PACSIN1: variants seen among roughly 807,000 people sequenced by gnomAD.
The protein encoded by PACSIN1 is protein kinase C and casein kinase substrate in neurons protein 1.
PACSIN1 carries 15 observed loss-of-function variants against 59.5 expected under a neutral mutation model. That is an observed-to-expected ratio of 0.25 (90% CI 0.17 to 0.39). The LOEUF is 0.39. Among genes scored for constraint, PACSIN1 ranks in the 10% least tolerant of loss-of-function variants. The probability of loss-of-function intolerance (pLI) is 1.00; values close to 1 mark genes in which losing one functional copy is unlikely to be tolerated. For synonymous variants in PACSIN1, 210 were observed against 220.6 expected, an observed-to-expected ratio of 0.95 and a Z score of 0.42; for missense variants, 420 against 580.2, an observed-to-expected ratio of 0.72 and a Z score of 2.84.
In PACSIN1 at chr6:34,530,514, A is replaced by G; in HGVS notation, c.964A>G (p.Lys322Glu). The G allele has an allele frequency of 6.2e-7, 1 of 1,609,880 alleles. No individual in the cohort carries two copies. Among genetic ancestry groups the G allele is most frequent in the South Asian group, 1.1e-5 (1 of 90,644 alleles). The change falls in exon 8 of 10, where the codon AAG (lysine) becomes GAG (glutamate). Residue 322 changes from lysine to glutamate, a missense_variant. Lys to Glu is a moderately conservative substitution (Grantham distance 56). Coordinates refer to ENST00000244458, the MANE Select transcript of PACSIN1 (RefSeq NM_020804.5). The surrounding 1 kb of genome is among the most constrained non-coding windows in gnomAD (Gnocchi z 4.4). ...CACCAAGAAGGAGAAACAGCCTAAG[A>G]AGGCAGAGGGAGTGGCGCTGACCAA... The part of the protein sequence containing the change: ...TTTKKEKQPK[K>E]AEGVALTNAT...
Position 34,534,471 on chromosome 6 carries a change from G to A in PACSIN1, c.*1941G>A, listed in dbSNP as rs1767657848. The A allele has an allele frequency of 6.5e-6, 1 of 152,930 alleles. No individual in the cohort carries two copies. The highest frequency in any genetic ancestry group is 1.5e-5 in the Non-Finnish European group (1 of 68,262). The allele number at this position is 152,930 out of a possible 1,614,324, so 9.5% of individuals were successfully genotyped here. A position where few individuals can be genotyped will look rare whatever the true frequency, so the allele number is the denominator to read the frequency against. On this transcript the variant is annotated 3_prime_UTR_variant, in exon 10 of 10. Coordinates refer to ENST00000244458, the MANE Select transcript of PACSIN1 (RefSeq NM_020804.5). ...CAGTCCTCCCAGCTCCAGTGCAGAA[G>A]CCTCTCTCTCCAGCCTTTCCCCAGG... is the stretch of plus-strand genomic sequence containing the variant.
rs538057641 is a variant in PACSIN1 at position 34,519,750 on chromosome 6, A to C, written c.-63-6493A>C. 2.7e-4 allele frequency among the ~76,000 whole-genome samples: 41 copies of C among 151,990 alleles called. No homozygotes were observed. In the South Asian group the frequency reaches 8.3e-3, roughly 31 times the overall value. ...ATCCCATGGGGTAGGTGCTATCATC[A>C]CCTCCTTTTGCAGATGAGGAAACCG... On this transcript the variant is annotated intron_variant, in intron 1 of 9. Transcript: ENST00000244458.
intron 1 of PACSIN1, among the ~76,000 whole-genome samples, chr6:34,477,557 C>T (rs1281004843): frequency 6.6e-6 from 1 of 152,112 alleles, no homozygotes; most frequent in East Asian, 1.9e-4. Flanking sequence ...CTCATCTTTA[C>T]TGCAAGCTCA....
At chr6:34,517,187 A>G (rs1368358603) in intron 1 of PACSIN1, among the ~76,000 whole-genome samples, 2 of 152,102 alleles carry the variant, frequency 1.3e-5, no homozygotes, top group Non-Finnish European at 2.9e-5. Context: ...CATCCAAACC[A>G]TCGGCAGATC....
At chr6:34,489,856 A>T (rs1450672147) in intron 1 of PACSIN1, among the ~76,000 whole-genome samples, 1 of 152,198 alleles carries the variant, frequency 6.6e-6, no homozygotes, top group Non-Finnish European at 1.5e-5. Flanking sequence ...TTACTCACAT[A>T]AAAAGCGTGT....
At chr6:34,489,113 G>A (rs1241077350) in intron 1 of PACSIN1, among the ~76,000 whole-genome samples, 1 of 151,828 alleles carries the variant, frequency 6.6e-6, no homozygotes, top group Non-Finnish European at 1.5e-5. Context: ...CCAGGGAGGT[G>A]GAGGTTGTAG....
At chr6:34,484,695 G>A (rs1335202884) in intron 1 of PACSIN1, among the ~76,000 whole-genome samples, 2 of 152,158 alleles carry the variant, frequency 1.3e-5, no homozygotes, top group Non-Finnish European at 2.9e-5. Flanking sequence ...TGGCTACTAT[G>A]TGGGTGGGAG....
rs931496914 is a variant in PACSIN1 at position 34,525,868 on chromosome 6, C to G, written c.-63-375C>G. Reference sequence around the variant, plus strand: ...TAATGGGGGCTGCTGAGGTTGGGAGCAAGGGCAGACAGAAGGGCATTTACA... The same window carrying G: ...TAATGGGGGCTGCTGAGGTTGGGAGGAAGGGCAGACAGAAGGGCATTTACA... On this transcript the variant is annotated intron_variant, in intron 1 of 9. Transcript: ENST00000244458. The surrounding 1 kb of genome is among the most constrained non-coding windows in gnomAD (Gnocchi z 4.9). 2.0e-5 allele frequency among the ~76,000 whole-genome samples: 3 copies of G among 152,018 alleles called. No homozygotes were observed. The highest frequency in any genetic ancestry group is 7.2e-5 in the African/African-American group (3 of 41,386).
rs140393341 is a variant in PACSIN1 at position 34,530,582 on chromosome 6, C to A, written c.1032C>A (p.Arg344=). 6.4e-6 allele frequency: 10 copies of A among 1,573,726 alleles called. No individual in the cohort carries two copies. Among genetic ancestry groups the A allele is most frequent in the African/African-American group, 4.1e-5 (3 of 73,318 alleles). The change falls in exon 8 of 10, where the codon CGC becomes CGA. Residue 344 remains arginine, a synonymous_variant. Transcript: ENST00000244458. This position sits in a 1 kb window ranked among gnomAD's most constrained non-coding sequence, Gnocchi z 4.4. ...AVESTSQAGD[R]GSVSSYDRGQ... ...AGTCCACATCCCAGGCTGGGGACCG[C>A]GGCAGGTGAGTGCCTCCTGTGGAGC...
chr6:34,467,974 G>A (rs1766521245), intron 1 of PACSIN1, among the ~76,000 whole-genome samples: 1 of 152,184 alleles, frequency 6.6e-6, no homozygotes, highest in East Asian at 1.9e-4. Context: ...GCCTGGTCCT[G>A]GCTTGAGGGA....
In PACSIN1 at chr6:34,530,936, G is replaced by A. The variant is rs1215202264; in HGVS notation, c.1037+349G>A. Among the ~76,000 whole-genome samples the A allele has an allele frequency of 1.3e-5, 2 of 152,182 alleles. No homozygotes were observed. Among genetic ancestry groups the A allele is most frequent in the Admixed American group, 6.5e-5 (1 of 15,282 alleles). On this transcript the variant is annotated intron_variant, in intron 8 of 9. Coordinates refer to ENST00000244458, the MANE Select transcript of PACSIN1 (RefSeq NM_020804.5). The surrounding 1 kb of genome is among the most constrained non-coding windows in gnomAD (Gnocchi z 4.4). The stretch of plus-strand genomic sequence containing the variant: ...TGCGCTCCTATGAGAATCTAACGCC[G>A]CGGCTGATCTAACAGGAGGTGCAGC...
intron 1 of PACSIN1, among the ~76,000 whole-genome samples, chr6:34,499,625 C>T (rs1367420011): frequency 4.6e-5 from 7 of 151,800 alleles, no homozygotes; most frequent in South Asian, 2.1e-4. Context: ...GAAACCCCAT[C>T]CCTACTAAAA....
intron 1 of PACSIN1, among the ~76,000 whole-genome samples, chr6:34,517,549 C>T (rs1767314624): frequency 6.6e-6 from 1 of 151,990 alleles, no homozygotes; most frequent in African/African-American, 2.4e-5. Context: ...GCCACATGAC[C>T]CCCTTGCTCC....
intron 1 of PACSIN1, among the ~76,000 whole-genome samples, chr6:34,483,338 G>T (rs528517767): frequency 7.9e-5 from 12 of 152,216 alleles, no homozygotes; most frequent in African/African-American, 2.9e-4. Flanking sequence ...TCAACCTAAG[G>T]TCCCATCCAA....
chr6:34,526,163 T>C (rs1003518061), intron 1 of PACSIN1, 80 bp from the exon 2 acceptor site: 2 of 642,848 alleles, frequency 3.1e-6, no homozygotes, highest in Non-Finnish European at 5.4e-6. Context: ...TCCCATCGGT[T>C]TGGGGACCCA....
intron 1 of PACSIN1, among the ~76,000 whole-genome samples, chr6:34,475,880 T>G (rs1486262780): frequency 6.6e-6 from 1 of 152,236 alleles, no homozygotes; most frequent in Non-Finnish European, 1.5e-5. Flanking sequence ...CTGAAATGAC[T>G]TGCTTGAGGT....
In PACSIN1 at chr6:34,521,733, T is replaced by C. The variant is rs1767395703; in HGVS notation, c.-63-4510T>C. Among the ~76,000 whole-genome samples the C allele has an allele frequency of 6.6e-6, 1 of 151,958 alleles. No homozygotes were observed. On this transcript the variant is annotated intron_variant, in intron 1 of 9. Coordinates refer to ENST00000244458, the MANE Select transcript of PACSIN1 (RefSeq NM_020804.5). This position sits in a 1 kb window ranked among gnomAD's most constrained non-coding sequence, Gnocchi z 4.3. ...ACAGGCAACGGCGGTGGTGGATGGA[T>C]AGTAAGCGCCGACACCTGTGGAGAG...
intron 1 of PACSIN1, among the ~76,000 whole-genome samples, chr6:34,526,003 A>T (rs1767475119): frequency 6.6e-6 from 1 of 151,898 alleles, no homozygotes; most frequent in Non-Finnish European, 1.5e-5. Flanking sequence ...AGGTGCTCAT[A>T]CTGGATAGAG....
At position 34,521,957 on chromosome 6, in the gene PACSIN1, C is replaced by G. The variant is rs1767399769; in HGVS notation, c.-63-4286C>G. ...CCAGAGTCTGGGATGTAATCCTACT[C>G]TGCGCTGCACAGGCCCCAGGGTCAA... On this transcript the variant is annotated intron_variant, in intron 1 of 9. Coordinates refer to ENST00000244458, the MANE Select transcript of PACSIN1 (RefSeq NM_020804.5). The surrounding 1 kb of genome is among the most constrained non-coding windows in gnomAD (Gnocchi z 4.3). Among the ~76,000 whole-genome samples the G allele has an allele frequency of 6.6e-6, 1 of 152,230 alleles. No homozygotes were observed. Among genetic ancestry groups the G allele is most frequent in the Non-Finnish European group, 1.5e-5 (1 of 68,048 alleles).
Sources: allele counts gnomAD v4.1 joint callset (sites outside exome capture counted in the v4.1 genomes callset), GRCh38; gene constraint gnomAD v4.1.1; non-coding constraint Gnocchi (gnomAD v3.1); transcripts MANE v1.5; gene names NCBI Gene and HGNC (gene_info 2026-07-23, HGNC 2026-07-21).